SPNS3: variants seen among roughly 807,000 people sequenced by gnomAD.
SPNS3 encodes the protein protein spinster homolog 3.
A neutral mutation model predicts 54.4 loss-of-function variants in SPNS3; 51 were observed. The ratio of observed to expected loss-of-function variants is 0.94; its 90% CI spans 0.75 to 1.18. The LOEUF (loss-of-function observed/expected upper bound fraction) is 1.18, where lower values mean the gene tolerates loss of function less well. Among genes scored for constraint, SPNS3 ranks in the 50% most tolerant of loss-of-function variants. The pLI is 0.00. For synonymous variants in SPNS3, 309 were observed against 294.7 expected (o/e 1.05, Z -0.50); for missense variants, 669 against 677.4 (o/e 0.99, Z 0.14).
At chr17:4,444,519 G>A (rs1359412277) in intron 2 of SPNS3, among the ~76,000 whole-genome samples, 2 of 152,002 alleles carry the variant, frequency 1.3e-5, no homozygotes, top group African/African-American at 2.4e-5. Context: ...CACCGCGCCC[G>A]GCCCAGTGTG....
At chr17:4,456,869 C>T (rs1266273060) in intron 8 of SPNS3, among the ~76,000 whole-genome samples, 2 of 152,176 alleles carry the variant, frequency 1.3e-5, no homozygotes, top group African/African-American at 4.8e-5. Flanking sequence ...CCCATGCCAC[C>T]ACACCCAGCT....
chr17:4,451,700 C>T (rs1020055132), intron 7 of SPNS3, among the ~76,000 whole-genome samples: 15 of 151,406 alleles, frequency 9.9e-5, no homozygotes, highest in Non-Finnish European at 1.9e-4. Context: ...CGGAGTCTTG[C>T]TCTCTTGCCC....
intron 8 of SPNS3, among the ~76,000 whole-genome samples, chr17:4,469,593 T>C (rs990974790): frequency 3.3e-5 from 4 of 122,314 alleles, no homozygotes; most frequent in Non-Finnish European, 6.3e-5. Flanking sequence ...CACGCCAGCC[T>C]GGGCGACAGA....
chr17:4,473,629 C>T (rs1971915273), intron 8 of SPNS3, among the ~76,000 whole-genome samples: 2 of 152,144 alleles, frequency 1.3e-5, no homozygotes, highest in Non-Finnish European at 2.9e-5. Flanking sequence ...CTCAAGTGAT[C>T]TGCCTGCCTC....
At chr17:4,476,592 A>G (rs541419419) in intron 8 of SPNS3, among the ~76,000 whole-genome samples, 1 of 152,226 alleles carries the variant, frequency 6.6e-6, no homozygotes, top group African/African-American at 2.4e-5. Flanking sequence ...CTGGGCTTTC[A>G]TGTGGCCCCA....
intron 8 of SPNS3, among the ~76,000 whole-genome samples, chr17:4,458,643 T>TTCTTTCTTTCTC (rs1235442851): frequency 7.0e-4 from 101 of 144,790 alleles, no homozygotes; most frequent in African/African-American, 2.6e-3. Flanking sequence ...CTTTCTTTCT[T>TTCTTTCTTTCTC]TCTTTCCTTC....
At chr17:4,455,012 C>G (rs1025718913) in intron 8 of SPNS3, among the ~76,000 whole-genome samples, 1 of 151,780 alleles carries the variant, frequency 6.6e-6, no homozygotes, top group Non-Finnish European at 1.5e-5. Flanking sequence ...CTCCTGGGTT[C>G]AAGCGATTCT....
intron 3 of SPNS3, among the ~76,000 whole-genome samples, chr17:4,445,647 G>C (rs567783521): frequency 2.6e-5 from 4 of 152,122 alleles, no homozygotes; most frequent in Non-Finnish European, 5.9e-5. Context: ...AAAGTGCTGG[G>C]ATTACAGGCG....
chr17:4,481,866 G>A (rs1181636697), intron 9 of SPNS3: 1 of 149,142 alleles, frequency 6.7e-6, no homozygotes, highest in Non-Finnish European at 1.5e-5. Context: ...CCCTTCCTTG[G>A]GACACTGCTC....
chr17:4,442,331 G>A (rs1249525348), intron 2 of SPNS3, among the ~76,000 whole-genome samples: 2 of 151,922 alleles, frequency 1.3e-5, no homozygotes, highest in African/African-American at 2.4e-5. Context: ...TCGGGAGTTT[G>A]AGACCAGCCT....
chr17:4,447,421 T>C (rs956932323), intron 5 of SPNS3, among the ~76,000 whole-genome samples: 3 of 152,170 alleles, frequency 2.0e-5, no homozygotes, highest in Admixed American at 6.5e-5. Flanking sequence ...GCTCCAGCCC[T>C]TGTGTTTCCA....
At chr17:4,454,659 C>T (rs1390927823) in intron 8 of SPNS3, among the ~76,000 whole-genome samples, 1 of 141,524 alleles carries the variant, frequency 7.1e-6, no homozygotes, top group Non-Finnish European at 1.5e-5. Context: ...CTCTGTCGCC[C>T]AGGCTGGAGT....
intron 8 of SPNS3, among the ~76,000 whole-genome samples, chr17:4,471,860 A>ATTTTTTTT (rs766599416): frequency 7.1e-6 from 1 of 141,248 alleles, no homozygotes; most frequent in Admixed American, 7.0e-5. Flanking sequence ...TTTAGGTTGG[A>ATTTTTTTT]TTTTTTGTTT....
intron 2 of SPNS3, 47 bp downstream of exon 2, chr17:4,439,770 G>A (rs1425194127): frequency 1.9e-6 from 3 of 1,548,920 alleles, no homozygotes; most frequent in Middle Eastern, 1.7e-4. Flanking sequence ...GGTTCATGCT[G>A]GGGTGGGCTC....
At chr17:4,447,310 C>T (rs921699321) in intron 5 of SPNS3, among the ~76,000 whole-genome samples, 10 of 152,184 alleles carry the variant, frequency 6.6e-5, no homozygotes, top group South Asian at 2.1e-4. Flanking sequence ...AGTTCCAAGC[C>T]GCAGGGTCAG....
At chr17:4,455,917 T>TGGGGGGGGGGGGGGG (rs10531598) in intron 8 of SPNS3, among the ~76,000 whole-genome samples, 4 of 150,744 alleles carry the variant, frequency 2.7e-5, no homozygotes, top group African/African-American at 9.8e-5. Flanking sequence ...CTGCCCTCTG[T>TGGGGGGGGGGGGGGG]GGGGGGGGGG....
At chr17:4,454,364 T>G (rs1489975677) in intron 8 of SPNS3, among the ~76,000 whole-genome samples, 1 of 152,244 alleles carries the variant, frequency 6.6e-6, no homozygotes, top group African/African-American at 2.4e-5. Flanking sequence ...CCTCTCCTCC[T>G]TTCCCAGCTC....
chr17:4,487,733 T>C lies in SPNS3; in HGVS notation c.1451-73T>C, dbSNP rs79916939. 9,702 of 1,357,200 alleles carry C rather than the reference T, an allele frequency of 7.1e-3. 495 individuals carry two copies. The African/African-American group carries it at 0.12, about 17-fold the overall frequency. The allele number at this position is 1,357,200 out of a possible 1,614,324, so 84.1% of individuals were successfully genotyped here. A position where few individuals can be genotyped will look rare whatever the true frequency, so the allele number is the denominator to read the frequency against. Reference sequence around the variant, plus strand: ...ACAGAGAGGATTTCCTGACAGCCCGTGCCCAGGCCCAGGCCTGGTCCCAAA... The same window carrying C: ...ACAGAGAGGATTTCCTGACAGCCCGCGCCCAGGCCCAGGCCTGGTCCCAAA... On this transcript the variant is annotated intron_variant, in intron 11 of 11. Transcript: ENST00000355530.
At chr17:4,467,584 G>T (rs962786434) in intron 8 of SPNS3, among the ~76,000 whole-genome samples, 1 of 152,162 alleles carries the variant, frequency 6.6e-6, no homozygotes, top group Non-Finnish European at 1.5e-5. Flanking sequence ...CTCTAAGATA[G>T]CAAAAGTGGA....
Sources: gnomAD v4.1 joint callset for allele counts (sites outside exome capture counted in the v4.1 genomes callset) on GRCh38, gnomAD v4.1.1 for gene constraint, MANE v1.5 for transcripts, NCBI Gene and HGNC (gene_info 2026-07-23, HGNC 2026-07-21) for gene names.